The following ARHGAP26 variants were observed in gnomAD, a reference collection of about 807,000 sequenced individuals.
The protein encoded by ARHGAP26 is Rho GTPase activating protein 26.
In ARHGAP26, 38 loss-of-function variants were observed where a neutral mutation model predicts 104.8. The ratio of observed to expected loss-of-function variants is 0.36; its 90% CI spans 0.28 to 0.48. The LOEUF is 0.48. ARHGAP26 is among the 20% of genes least tolerant of loss of function. The pLI, the probability that ARHGAP26 is intolerant of heterozygous loss-of-function variation, is 0.99. For missense variants in ARHGAP26, 704 were observed against 947.9 expected (o/e 0.74, Z 3.38); for synonymous variants, 341 against 340.0 (o/e 1.00, Z -0.03).
chr5:142,922,822 C>T (rs966965681), intron 10 of ARHGAP26, among the ~76,000 whole-genome samples: 1 of 152,158 alleles, frequency 6.6e-6, no homozygotes, highest in African/African-American at 2.4e-5. Flanking sequence ...ACTTCCCCTC[C>T]CTCCCCTTCT....
intron 20 of ARHGAP26, among the ~76,000 whole-genome samples, chr5:143,191,740 T>C (rs1405732384): frequency 6.6e-6 from 1 of 152,168 alleles, no homozygotes. Context: ...TGCCAGTGGG[T>C]GGCTGAGAAT....
At chr5:143,025,519 C>A (rs1057130511) in intron 12 of ARHGAP26, among the ~76,000 whole-genome samples, 10 of 152,178 alleles carry the variant, frequency 6.6e-5, no homozygotes, top group Admixed American at 1.3e-4. Context: ...AACCACCGGG[C>A]CTTAAGGCAG....
chr5:143,069,906 C>T (rs184133678), intron 17 of ARHGAP26, among the ~76,000 whole-genome samples: 65 of 152,284 alleles, frequency 4.3e-4, no homozygotes, highest in African/African-American at 1.5e-3. Context: ...CAGCTTGGTT[C>T]CCCAGAAGCC....
intron 17 of ARHGAP26, among the ~76,000 whole-genome samples, chr5:143,076,136 G>C (rs11739101): frequency 1.3e-5 from 2 of 149,714 alleles, no homozygotes; most frequent in Admixed American, 6.7e-5. Flanking sequence ...AGGACTACAG[G>C]TGTGCGCCAC....
At chr5:143,153,409 T>C (rs191970171) in intron 20 of ARHGAP26, among the ~76,000 whole-genome samples, 33 of 152,222 alleles carry the variant, frequency 2.2e-4, no homozygotes, top group Middle Eastern at 3.4e-3. Flanking sequence ...GTTCAATGGG[T>C]GCTTACTGAG....
chr5:142,828,558 A>G (rs1767756917), intron 1 of ARHGAP26, among the ~76,000 whole-genome samples: 1 of 152,184 alleles, frequency 6.6e-6, no homozygotes, highest in Non-Finnish European at 1.5e-5. Context: ...TTGCCTTCAC[A>G]TGGGGTTGCT....
In ARHGAP26 at chr5:142,891,237, C is replaced by T. The variant is rs149747287; in HGVS notation, c.487-3001C>T. ...TGCAGGGGGTGGTGGTGGTGAGAAG[C>T]AGGACCTTCTGAAACCTGTCTCCAA... On this transcript the variant is annotated intron_variant, in intron 5 of 22. Coordinates refer to ENST00000645722, the MANE Select transcript of ARHGAP26 (RefSeq NM_001135608.3). Among the ~76,000 whole-genome samples the T allele has an allele frequency of 3.9e-4, 59 of 152,092 alleles. 4 individuals carry two copies. The highest frequency in any genetic ancestry group is 1.4e-3 in the African/African-American group (59 of 41,366).
chr5:143,117,325 T>A (rs547619280), intron 17 of ARHGAP26, among the ~76,000 whole-genome samples: 1 of 152,194 alleles, frequency 6.6e-6, no homozygotes, highest in Non-Finnish European at 1.5e-5. Flanking sequence ...ATCTGTAAAT[T>A]CATCGAGCTA....
At chr5:142,771,720 GAAAGAAGTTC>G (rs1200399666) in intron 1 of ARHGAP26, among the ~76,000 whole-genome samples, 1 of 152,228 alleles carries the variant, frequency 6.6e-6, no homozygotes, top group Non-Finnish European at 1.5e-5. Context: ...ATAATTCTCA[GAAAGAAGTTC>G]AAACGTATTT....
chr5:143,178,206 G>T (rs946886230), intron 20 of ARHGAP26, among the ~76,000 whole-genome samples: 1 of 151,736 alleles, frequency 6.6e-6, no homozygotes, highest in African/African-American at 2.4e-5. Flanking sequence ...CACTATGTTG[G>T]CCAGGCTGGT....
At position 142,770,451 on chromosome 5, in the gene ARHGAP26, G is replaced by C; in HGVS notation, c.-311G>C. 5.2e-6 allele frequency: 1 copy of C among 193,450 alleles called. No individual in the cohort carries two copies. The highest frequency in any genetic ancestry group is 1.1e-5 in the Non-Finnish European group (1 of 92,680). 12.0% of individuals were successfully genotyped at this position (193,450 alleles called of 1,614,324 possible). ...CCGAGAGCTAGCTAGCGAAGGAGGCGGGGAGGCGGCGTCTGCACTCGCTCG... is the reference window on the plus strand; with the variant it reads ...CCGAGAGCTAGCTAGCGAAGGAGGCCGGGAGGCGGCGTCTGCACTCGCTCG... On this transcript the variant is annotated 5_prime_UTR_variant, in exon 1 of 23. Transcript: ENST00000645722.
At chr5:142,792,265 A>G (rs769518707) in intron 1 of ARHGAP26, among the ~76,000 whole-genome samples, 3 of 152,246 alleles carry the variant, frequency 2.0e-5, no homozygotes, top group Admixed American at 6.5e-5. Flanking sequence ...ATAGTTCCAC[A>G]TGCATAAATG....
chr5:143,013,489 T>G (rs961053594), intron 11 of ARHGAP26, among the ~76,000 whole-genome samples: 1 of 152,254 alleles, frequency 6.6e-6, no homozygotes, highest in Admixed American at 6.5e-5. Context: ...AAAATATATA[T>G]TCTCCTTATA....
chr5:142,828,987 C>A (rs1767864440), intron 1 of ARHGAP26, among the ~76,000 whole-genome samples: 1 of 152,178 alleles, frequency 6.6e-6, no homozygotes, highest in South Asian at 2.1e-4. Context: ...TGCTCATGAT[C>A]TTCACTACTG....
At chr5:143,166,009 T>C (rs1294125407) in intron 20 of ARHGAP26, 2 of 1,315,098 alleles carry the variant, frequency 1.5e-6, no homozygotes, top group African/African-American at 3.0e-5. Flanking sequence ...ATTATGGTCA[T>C]CGTTGCTCTT....
At chr5:143,143,683 A>G (rs1421988164) in intron 19 of ARHGAP26, among the ~76,000 whole-genome samples, 1 of 152,174 alleles carries the variant, frequency 6.6e-6, no homozygotes, top group African/African-American at 2.4e-5. Flanking sequence ...TATTTATCTT[A>G]TAACCATTCA....
At chr5:142,796,609 C>CA (rs1440755590) in intron 1 of ARHGAP26, among the ~76,000 whole-genome samples, 1 of 152,220 alleles carries the variant, frequency 6.6e-6, no homozygotes, top group East Asian at 1.9e-4. Context: ...TAGTTGCTTT[C>CA]AAGAACGTTT....
In ARHGAP26 at chr5:143,101,140, T is replaced by C. The variant is rs114459915; in HGVS notation, c.1539-19848T>C. 2.1e-3 allele frequency among the ~76,000 whole-genome samples: 316 copies of C among 152,300 alleles called. 3 individuals carry two copies. The highest frequency in any genetic ancestry group is 6.8e-3 in the Middle Eastern group (2 of 294). On this transcript the variant is annotated intron_variant, in intron 17 of 22. Transcript: ENST00000645722. ...AAACCAAAGAGTTCTGAAGCCATTC[T>C]TCACTTGAGAAGCATCACTGAGAAT...
intron 10 of ARHGAP26, among the ~76,000 whole-genome samples, chr5:142,927,514 T>A (rs566394065): frequency 2.0e-4 from 30 of 152,282 alleles, no homozygotes; most frequent in African/African-American, 6.3e-4. Flanking sequence ...ACTCTTTTTT[T>A]AAAAAAATTG....
Sources: allele counts gnomAD v4.1 joint callset (sites outside exome capture counted in the v4.1 genomes callset), GRCh38; gene constraint gnomAD v4.1.1; transcripts MANE v1.5; gene names NCBI Gene and HGNC (gene_info 2026-07-23, HGNC 2026-07-21).